Variants in PRELID2 observed in about 807,000 individuals in gnomAD.
The protein encoded by PRELID2 is PRELI domain-containing protein 2.
Under a neutral mutation model 28.4 loss-of-function variants are expected in PRELID2, and 25 were observed. That is an observed-to-expected ratio of 0.88 (90% CI 0.64 to 1.23). The LOEUF is 1.23. Ranked by LOEUF, PRELID2 falls within the 50% of genes most tolerant of loss-of-function variation. The pLI is 0.00. For synonymous variants in PRELID2, 76 were observed against 71.6 expected, an observed-to-expected ratio of 1.06 and a Z score of -0.31; for missense variants, 201 against 214.4, an observed-to-expected ratio of 0.94 and a Z score of 0.39.
chr5:145,383,313 A>T, the PRELID2 span, among the ~76,000 whole-genome samples: 1 of 150,006 alleles, frequency 6.7e-6, no homozygotes, highest in Non-Finnish European at 1.5e-5. Context: ...ATATGTACGG[A>T]TATACAGCTA....
At chr5:145,728,374 C>CT in intron 1 of PRELID2, 1 of 411,734 alleles carries the variant, frequency 2.4e-6, no homozygotes, top group Non-Finnish European at 4.5e-6. Context: ...TCCTGGAAAC[C>CT]TTTTTTATGG....
chr5:145,340,780 T>C, the PRELID2 span, among the ~76,000 whole-genome samples: 2 of 138,712 alleles, frequency 1.4e-5, no homozygotes, highest in South Asian at 4.5e-4. Flanking sequence ...CATATATATA[T>C]ATATATATAT....
At chr5:145,360,732 T>C in the PRELID2 span, among the ~76,000 whole-genome samples, 1 of 152,198 alleles carries the variant, frequency 6.6e-6, no homozygotes, top group East Asian at 1.9e-4. Context: ...TAACTCTATT[T>C]GATATGGAGT....
the PRELID2 span, among the ~76,000 whole-genome samples, chr5:145,370,869 T>C: frequency 2.0e-5 from 3 of 152,130 alleles, no homozygotes; most frequent in Non-Finnish European, 4.4e-5. Flanking sequence ...TTTTATTCTC[T>C]TTGTAGCAAT....
the PRELID2 span, chr5:145,450,933 C>T: frequency 6.6e-6 from 1 of 152,182 alleles, no homozygotes; most frequent in African/African-American, 2.4e-5. Context: ...TCATTTAACC[C>T]TCAAGATGCC....
At chr5:145,411,131 C>G in the PRELID2 span, among the ~76,000 whole-genome samples, 1 of 152,204 alleles carries the variant, frequency 6.6e-6, no homozygotes, top group South Asian at 2.1e-4. Flanking sequence ...GTAATTTATA[C>G]AGAAAGAAGG....
At chr5:145,539,030 A>T (rs1199413672) in intron 1 of PRELID2, among the ~76,000 whole-genome samples, 2 of 151,900 alleles carry the variant, frequency 1.3e-5, no homozygotes, top group African/African-American at 4.8e-5. Flanking sequence ...GTAAGAATCC[A>T]AATTGCTGAA....
At chr5:145,573,337 CTT>C (rs549025004) in intron 1 of PRELID2, among the ~76,000 whole-genome samples, 2 of 146,276 alleles carry the variant, frequency 1.4e-5, no homozygotes, top group African/African-American at 2.5e-5. Flanking sequence ...TTTTTCTTTT[CTT>C]TTTTTTTTTA....
At chr5:145,295,895 T>C in the PRELID2 span, among the ~76,000 whole-genome samples, 1 of 152,218 alleles carries the variant, frequency 6.6e-6, no homozygotes, top group East Asian at 1.9e-4. Context: ...TTGTGAGAAT[T>C]TGAGAAAAGT....
At chr5:145,449,139 C>A in the PRELID2 span, among the ~76,000 whole-genome samples, 1 of 152,116 alleles carries the variant, frequency 6.6e-6, no homozygotes, top group South Asian at 2.1e-4. Flanking sequence ...TCTGAAAGCC[C>A]CAGAGGAAGG....
chr5:145,470,628 C>A (rs1038365544), downstream of PRELID2, among the ~76,000 whole-genome samples: 1 of 152,042 alleles, frequency 6.6e-6, no homozygotes, highest in East Asian at 1.9e-4. Flanking sequence ...AAATCTACAG[C>A]CCATCTGTTA....
At chr5:145,830,090 T>C (rs1004655156) in intron 1 of PRELID2, among the ~76,000 whole-genome samples, 12 of 152,168 alleles carry the variant, frequency 7.9e-5, no homozygotes, top group Non-Finnish European at 1.6e-4. Context: ...CAATCTAAAA[T>C]TGCACAGGGC....
At chr5:145,369,805 A>G in the PRELID2 span, among the ~76,000 whole-genome samples, 1 of 151,970 alleles carries the variant, frequency 6.6e-6, no homozygotes, top group Non-Finnish European at 1.5e-5. Context: ...CTTTTTAATA[A>G]TTGCCATTCT....
At chr5:145,427,085 TC>T in the PRELID2 span, among the ~76,000 whole-genome samples, 1 of 152,250 alleles carries the variant, frequency 6.6e-6, no homozygotes, top group Non-Finnish European at 1.5e-5. Context: ...CCCCATAGAC[TC>T]TTTCAAGCTA....
chr5:145,615,055 T>C (rs1581003849), intron 1 of PRELID2, among the ~76,000 whole-genome samples: 1 of 152,306 alleles, frequency 6.6e-6, no homozygotes, highest in South Asian at 2.1e-4. Context: ...TTCTTAGGTC[T>C]ATTAGTAATT....
chr5:145,619,766 A>G (rs959501745), intron 1 of PRELID2, among the ~76,000 whole-genome samples: 3 of 152,240 alleles, frequency 2.0e-5, no homozygotes, highest in Non-Finnish European at 2.9e-5. Flanking sequence ...ATTTTAAAAA[A>G]TAGGTAAAAT....
At chr5:145,330,867 G>A in the PRELID2 span, among the ~76,000 whole-genome samples, 1 of 152,074 alleles carries the variant, frequency 6.6e-6, no homozygotes, top group Non-Finnish European at 1.5e-5. Context: ...TGTGAGGTTA[G>A]GATGTTGATT....
At chr5:145,249,918 C>CCT in the PRELID2 span, among the ~76,000 whole-genome samples, 1,770 of 139,812 alleles carry the variant, frequency 0.013, 17 homozygotes, top group South Asian at 0.059. Flanking sequence ...CATGCCTCTC[C>CCT]CTCTCTCTCT....
At chr5:145,250,501 T>C in the PRELID2 span, among the ~76,000 whole-genome samples, 7 of 152,026 alleles carry the variant, frequency 4.6e-5, no homozygotes, top group African/African-American at 1.7e-4. Flanking sequence ...GATCAAATCA[T>C]TGATATGAAG....
Sources: gnomAD v4.1 joint callset for allele counts (sites outside exome capture counted in the v4.1 genomes callset) on GRCh38, gnomAD v4.1.1 for gene constraint, MANE v1.5 for transcripts, NCBI Gene and HGNC (gene_info 2026-07-23, HGNC 2026-07-21) for gene names.